The following PDE4D variants were observed in gnomAD, a reference collection of about 807,000 sequenced individuals.
The protein encoded by PDE4D is 3',5'-cyclic-AMP phosphodiesterase 4D.
PDE4D carries 24 observed loss-of-function variants against 87.4 expected under a neutral mutation model. That is an observed-to-expected ratio of 0.27 (90% CI 0.20 to 0.39). The LOEUF is 0.39. Among genes scored for constraint, PDE4D ranks in the 10% least tolerant of loss-of-function variants. The pLI is 1.00. For synonymous variants in PDE4D, 384 were observed against 383.2 expected, an observed-to-expected ratio of 1.00 and a Z score of -0.02; for missense variants, 714 against 1,041.0, an observed-to-expected ratio of 0.69 and a Z score of 4.32.
At chr5:59,323,239 G>T (rs995608241) in intron 1 of PDE4D, among the ~76,000 whole-genome samples, 60 of 152,110 alleles carry the variant, frequency 3.9e-4, no homozygotes, top group African/African-American at 1.2e-3. Flanking sequence ...AAGAACATCA[G>T]ATTCTCCCAC....
Position 59,529,273 on chromosome 5 carries a change from T to C in PDE4D, c.456-313305A>G, listed in dbSNP as rs1813717974. 3 of 403,692 alleles carry C rather than the reference T, an allele frequency of 7.4e-6. No homozygotes were observed. In the Admixed American group the frequency reaches 8.6e-5, roughly 12 times the overall value. 25.0% of individuals were successfully genotyped at this position (403,692 alleles called of 1,614,324 possible). Reference sequence around the variant, plus strand: ...ATATTAAGTCTGGCAATGATGACTATAAGGATCTTGCTTAAATAAATTGTC... The same window carrying C: ...ATATTAAGTCTGGCAATGATGACTACAAGGATCTTGCTTAAATAAATTGTC... On this transcript the variant is annotated intron_variant, in intron 1 of 14. Coordinates refer to ENST00000340635, the MANE Select transcript of PDE4D (RefSeq NM_001104631.2).
chr5:59,926,657 A>T (rs1165375639), intron 3 of PDE4D, among the ~76,000 whole-genome samples: 1 of 152,186 alleles, frequency 6.6e-6, no homozygotes, highest in Non-Finnish European at 1.5e-5. Flanking sequence ...TAATAAGAAG[A>T]CACAAATAAA....
At chr5:60,441,830 A>C (rs1745239083) in intron 1 of PDE4D, among the ~76,000 whole-genome samples, 1 of 151,860 alleles carries the variant, frequency 6.6e-6, no homozygotes, top group Non-Finnish European at 1.5e-5. Context: ...CTGCAAACGT[A>C]TGAAAAAAAA....
At chr5:59,695,694 T>C (rs1465695413) in intron 1 of PDE4D, among the ~76,000 whole-genome samples, 2 of 152,158 alleles carry the variant, frequency 1.3e-5, no homozygotes, top group Non-Finnish European at 2.9e-5. Context: ...CTTGACCTCC[T>C]GGGCTCAAGT....
chr5:59,123,679 A>T (rs1356613796), intron 5 of PDE4D, among the ~76,000 whole-genome samples: 2 of 152,220 alleles, frequency 1.3e-5, no homozygotes, highest in Non-Finnish European at 2.9e-5. Flanking sequence ...ACACCGTGAC[A>T]TCTAACACTT....
chr5:59,973,473 A>G (rs1011989127), intron 3 of PDE4D, among the ~76,000 whole-genome samples: 67 of 148,098 alleles, frequency 4.5e-4, no homozygotes, highest in Non-Finnish European at 5.9e-4. Flanking sequence ...TGACTATATC[A>G]TAATCCATAA....
At chr5:59,411,724 T>A (rs1033659615) in intron 1 of PDE4D, among the ~76,000 whole-genome samples, 2 of 152,184 alleles carry the variant, frequency 1.3e-5, no homozygotes, top group Non-Finnish European at 1.5e-5. Context: ...TTAAAGACCT[T>A]ATCTCCATGG....
chr5:59,998,702 G>A (rs1582110360), intron 2 of PDE4D, among the ~76,000 whole-genome samples: 3 of 151,806 alleles, frequency 2.0e-5, no homozygotes, highest in East Asian at 3.9e-4. Flanking sequence ...CATGGTTACG[G>A]TCTTGCTCTA....
chr5:59,847,876 T>C (rs1337642386), intron 1 of PDE4D, among the ~76,000 whole-genome samples: 1 of 152,116 alleles, frequency 6.6e-6, no homozygotes, highest in Non-Finnish European at 1.5e-5. Context: ...TTTGAGCTTC[T>C]CAGCACAGCT....
chr5:59,292,464 A>G (rs1768230419), intron 1 of PDE4D, among the ~76,000 whole-genome samples: 1 of 152,122 alleles, frequency 6.6e-6, no homozygotes, highest in Non-Finnish European at 1.5e-5. Flanking sequence ...TGCTATCAAC[A>G]GTCTGGGAAG....
intron 1 of PDE4D, chr5:59,217,278 A>G (rs1751465114): frequency 4.4e-6 from 2 of 455,784 alleles, no homozygotes; most frequent in South Asian, 3.1e-5. Context: ...AGAATAAATA[A>G]ACATGTGAAT....
chr5:59,753,102 G>A (rs1219530516), intron 1 of PDE4D, among the ~76,000 whole-genome samples: 1 of 152,116 alleles, frequency 6.6e-6, no homozygotes, highest in Non-Finnish European at 1.5e-5. Context: ...TTATTTTCTG[G>A]TCCTTTTGTT....
At chr5:60,305,046 C>T (rs1227767576) in intron 1 of PDE4D, among the ~76,000 whole-genome samples, 4 of 137,096 alleles carry the variant, frequency 2.9e-5, no homozygotes, top group Admixed American at 1.5e-4. Context: ...TATACACACA[C>T]ACACACACAC....
chr5:59,132,068 A>G (rs1279643880), intron 5 of PDE4D, among the ~76,000 whole-genome samples: 1 of 152,158 alleles, frequency 6.6e-6, no homozygotes, highest in East Asian at 1.9e-4. Flanking sequence ...TATTATTATC[A>G]AAGTGCAATT....
intron 5 of PDE4D, among the ~76,000 whole-genome samples, chr5:59,147,025 T>C (rs1256150079): frequency 1.3e-5 from 2 of 152,130 alleles, no homozygotes; most frequent in African/African-American, 2.4e-5. Context: ...TGAATCCTAT[T>C]GTGAACTGTG....
intron 5 of PDE4D, among the ~76,000 whole-genome samples, chr5:59,152,095 G>A (rs1484232470): frequency 6.6e-6 from 1 of 152,170 alleles, no homozygotes; most frequent in Non-Finnish European, 1.5e-5. Flanking sequence ...TTGAAGCCTG[G>A]CTCCACAGCT....
intron 6 of PDE4D, among the ~76,000 whole-genome samples, chr5:59,018,454 T>C (rs1754469356): frequency 6.6e-6 from 1 of 152,360 alleles, no homozygotes; most frequent in African/African-American, 2.4e-5. Flanking sequence ...AAGCTCTTTA[T>C]AAATTCCTTA....
At chr5:59,124,357 A>G (rs887054908) in intron 5 of PDE4D, among the ~76,000 whole-genome samples, 1 of 152,226 alleles carries the variant, frequency 6.6e-6, no homozygotes, top group Non-Finnish European at 1.5e-5. Context: ...CTCACCAGCA[A>G]GCTTGATTTA....
intron 1 of PDE4D, among the ~76,000 whole-genome samples, chr5:60,371,152 G>C (rs1760995360): frequency 6.6e-6 from 1 of 152,198 alleles, no homozygotes; most frequent in Admixed American, 6.5e-5. Flanking sequence ...GAGCTATCAG[G>C]ATCTACTCTG....
Sources: gnomAD v4.1 joint callset for allele counts (sites outside exome capture counted in the v4.1 genomes callset) on GRCh38, gnomAD v4.1.1 for gene constraint, MANE v1.5 for transcripts, NCBI Gene and HGNC (gene_info 2026-07-23, HGNC 2026-07-21) for gene names.